The following KLHL4 variants were observed in gnomAD, a reference collection of about 807,000 sequenced individuals.
The protein encoded by KLHL4 is kelch-like protein 4.
Under a neutral mutation model 45.8 loss-of-function variants are expected in KLHL4, and 17 were observed. That is an observed-to-expected ratio of 0.37 (90% confidence interval 0.25 to 0.56). KLHL4 has a LOEUF of 0.56. Ranked by LOEUF, KLHL4 falls within the 20% of genes least tolerant of loss-of-function variation. The pLI, the probability that KLHL4 is intolerant of heterozygous loss-of-function variation, is 0.79. For missense variants in KLHL4, 544 were observed against 544.9 expected (o/e 1.00, Z 0.02); for synonymous variants, 224 against 189.9 (o/e 1.18, Z -1.47).
intron 1 of KLHL4, among the ~76,000 whole-genome samples, 186 bp downstream of exon 1, chrX:87,518,501 T>C (rs921985514): frequency 5.4e-5 from 6 of 112,050 alleles, no homozygotes; most frequent in Non-Finnish European, 1.1e-4. Flanking sequence ...AATACGTCTT[T>C]ATAATTACCG....
At chrX:87,663,022 CTT>C (rs56203819) in intron 9 of KLHL4, among the ~76,000 whole-genome samples, 93 of 87,523 alleles carry the variant, frequency 1.1e-3, no homozygotes, top group Middle Eastern at 6.3e-3. Flanking sequence ...TTTTCTGATG[CTT>C]TTTTTTTTTT....
At chrX:87,543,720 A>G (rs897895298) in intron 1 of KLHL4, among the ~76,000 whole-genome samples, 1 of 111,241 alleles carries the variant, frequency 9.0e-6, no homozygotes, top group Non-Finnish European at 1.9e-5. Context: ...AGGGTCCACA[A>G]ACATTGCCAC....
intron 10 of KLHL4, among the ~76,000 whole-genome samples, chrX:87,665,443 A>G (rs1441679846): frequency 1.8e-5 from 2 of 110,949 alleles, no homozygotes; most frequent in Admixed American, 9.7e-5. Flanking sequence ...CAGTCAGTCA[A>G]TAATTTAGTA....
intron 1 of KLHL4, among the ~76,000 whole-genome samples, chrX:87,583,539 C>G (rs1383428393): frequency 1.8e-5 from 2 of 112,015 alleles, no homozygotes; most frequent in Non-Finnish European, 3.8e-5. Flanking sequence ...ACATTCTAGG[C>G]CCTAGCTCCC....
chrX:87,625,917 G>A (rs188638576), intron 6 of KLHL4, 121 bp downstream of exon 6: 1 of 513,074 alleles, frequency 1.9e-6, no homozygotes, highest in East Asian at 3.9e-5. Context: ...TCATAAATAG[G>A]GTGCATTATA....
chrX:87,629,112 G>A (rs1231099382), intron 6 of KLHL4, among the ~76,000 whole-genome samples: 1 of 111,587 alleles, frequency 9.0e-6, no homozygotes, highest in African/African-American at 3.3e-5. Flanking sequence ...ATTCACTACT[G>A]CAGGAACTAC....
rs1379539906 is a variant in KLHL4, at chrX:87,666,602, A to G, written c.*68A>G. ...AAGAAACTGAGTAGGACAAAGGGAG[A>G]AAGAAATACATGTTCTTTTTCCTGC... On this transcript the variant is annotated 3_prime_UTR_variant, in exon 11 of 11. Coordinates refer to ENST00000373119, the MANE Select transcript of KLHL4 (RefSeq NM_019117.5). The G allele has an allele frequency of 9.4e-7, 1 of 1,059,689 alleles. No individual in the cohort carries two copies. Among genetic ancestry groups the G allele is most frequent in the Non-Finnish European group, 1.2e-6 (1 of 811,261 alleles). 87.3% of individuals were successfully genotyped at this position (1,059,689 alleles called of 1,213,427 possible).
At chrX:87,663,413 A>T (rs1924262500) in intron 9 of KLHL4, among the ~76,000 whole-genome samples, 2 of 112,431 alleles carry the variant, frequency 1.8e-5, no homozygotes, top group South Asian at 7.2e-4. Flanking sequence ...ATTACCAATT[A>T]GTTTTTCTTC....
At chrX:87,655,851 TC>T (rs1923974743) in intron 9 of KLHL4, among the ~76,000 whole-genome samples, 1 of 112,135 alleles carries the variant, frequency 8.9e-6, no homozygotes, top group African/African-American at 3.2e-5. Flanking sequence ...GTTTATAACT[TC>T]CTTGAGCATT....
At chrX:87,547,961 G>A (rs1931720992) in intron 1 of KLHL4, among the ~76,000 whole-genome samples, 1 of 112,175 alleles carries the variant, frequency 8.9e-6, no homozygotes, top group Admixed American at 9.5e-5. Context: ...GATAATTACA[G>A]AGAAATTCTC....
chrX:87,622,778 GGA>G (rs1324466861), intron 5 of KLHL4, among the ~76,000 whole-genome samples: 4 of 110,549 alleles, frequency 3.6e-5, no homozygotes, highest in Non-Finnish European at 3.8e-5. Flanking sequence ...GCCTTCCAGA[GGA>G]GAGTCTAGGA....
chrX:87,594,528 C>T (rs763348790), intron 1 of KLHL4, among the ~76,000 whole-genome samples: 113 of 111,374 alleles, frequency 1.0e-3, no homozygotes, highest in Non-Finnish European at 1.9e-3. Context: ...TCATGTTTTC[C>T]TATGTCTTTC....
chrX:87,662,510 ATCAAT>A (rs1251450419), intron 9 of KLHL4, among the ~76,000 whole-genome samples: 1 of 112,101 alleles, frequency 8.9e-6, no homozygotes, highest in Non-Finnish European at 1.9e-5. Context: ...CATTGTGGAA[ATCAAT>A]TCTATTTCTA....
chrX:87,537,011 A>T lies in KLHL4; in HGVS notation c.422+18696A>T, dbSNP rs148515558. On this transcript the variant is annotated intron_variant, in intron 1 of 10. Coordinates refer to ENST00000373119, the MANE Select transcript of KLHL4 (RefSeq NM_019117.5). ...ACAAACATTAGTTTGTGATTAACAA[A>T]TAAATATAAAAAGAATTGCTACTGA... Among the ~76,000 whole-genome samples, 117 of 111,838 alleles carry T rather than the reference A, an allele frequency of 1.0e-3. No individual in the cohort carries two copies. In the East Asian group the frequency reaches 0.026, roughly 25 times the overall value.
chrX:87,662,351 A>G (rs752271336), intron 9 of KLHL4, among the ~76,000 whole-genome samples: 1 of 112,124 alleles, frequency 8.9e-6, no homozygotes, highest in Non-Finnish European at 1.9e-5. Flanking sequence ...GAAGAAAACA[A>G]TTATAAGATG....
intron 1 of KLHL4, among the ~76,000 whole-genome samples, chrX:87,591,499 A>G (rs1332324752): frequency 9.0e-6 from 1 of 110,988 alleles, no homozygotes; most frequent in African/African-American, 3.3e-5. Flanking sequence ...TAGTCAGATT[A>G]TTTGTTGTTT....
intron 9 of KLHL4, among the ~76,000 whole-genome samples, chrX:87,636,695 G>C (rs1334027656): frequency 9.1e-6 from 1 of 110,141 alleles, no homozygotes; most frequent in Admixed American, 9.7e-5. Flanking sequence ...TGAGGCCTGT[G>C]GCTGCCAGCT....
intron 1 of KLHL4, among the ~76,000 whole-genome samples, chrX:87,521,088 A>C (rs1425959686): frequency 8.9e-6 from 1 of 111,886 alleles, no homozygotes; most frequent in African/African-American, 3.2e-5. Context: ...GAGCTGTTTA[A>C]TTCTAAGGAA....
chrX:87,613,044 G>A (rs1922434960), intron 1 of KLHL4, among the ~76,000 whole-genome samples: 2 of 111,638 alleles, frequency 1.8e-5, no homozygotes, highest in Non-Finnish European at 3.8e-5. Flanking sequence ...GAATTGAACA[G>A]AGAAAGTAAT....
Sources: gnomAD v4.1 joint callset for allele counts (sites outside exome capture counted in the v4.1 genomes callset) on GRCh38, gnomAD v4.1.1 for gene constraint, MANE v1.5 for transcripts, NCBI Gene and HGNC (gene_info 2026-07-23, HGNC 2026-07-21) for gene names.